RAD51B: variants seen among roughly 807,000 people sequenced by gnomAD.
The protein encoded by RAD51B is RAD51 paralog B.
RAD51B carries 38 observed loss-of-function variants against 42.2 expected under a neutral mutation model. The observed-to-expected ratio is 0.90, with a 90% CI of 0.70 to 1.18. RAD51B has a LOEUF of 1.18. Among genes scored for constraint, RAD51B ranks in the 50% most tolerant of loss-of-function variants. The pLI, the probability that RAD51B is intolerant of heterozygous loss-of-function variation, is 0.00. For missense variants in RAD51B, 373 were observed against 400.7 expected (o/e 0.93, Z 0.59); for synonymous variants, 154 against 145.2 (o/e 1.06, Z -0.43).
At chr14:67,993,834 A>G (rs1018479130) in intron 7 of RAD51B, among the ~76,000 whole-genome samples, 1 of 152,142 alleles carries the variant, frequency 6.6e-6, no homozygotes, top group African/African-American at 2.4e-5. Flanking sequence ...TCTCTAGTAA[A>G]CAATTATTAC....
chr14:67,945,108 A>G (rs955315152), intron 7 of RAD51B, among the ~76,000 whole-genome samples: 9 of 152,236 alleles, frequency 5.9e-5, no homozygotes, highest in Non-Finnish European at 1.2e-4. Context: ...TCTAGATAAG[A>G]ATCAGGAAGA....
chr14:68,173,640 T>A (rs2078913416), intron 7 of RAD51B, among the ~76,000 whole-genome samples: 2 of 152,180 alleles, frequency 1.3e-5, no homozygotes, highest in Admixed American at 1.3e-4. Context: ...CTGTCTCAGT[T>A]CCTCAGTAGA....
chr14:68,013,635 G>GT (rs879779886), intron 7 of RAD51B, among the ~76,000 whole-genome samples: 9 of 152,204 alleles, frequency 5.9e-5, no homozygotes, highest in Admixed American at 5.2e-4. Flanking sequence ...TCAGAATATT[G>GT]TATTACGTAG....
intron 7 of RAD51B, among the ~76,000 whole-genome samples, chr14:67,944,574 GT>G (rs557949768): frequency 1.3e-5 from 2 of 152,020 alleles, no homozygotes; most frequent in Non-Finnish European, 2.9e-5. Flanking sequence ...GTAACATAGT[GT>G]TTTTGATACT....
chr14:68,242,392 T>TG (rs2080408364), intron 7 of RAD51B, among the ~76,000 whole-genome samples: 1 of 152,198 alleles, frequency 6.6e-6, no homozygotes, highest in South Asian at 2.1e-4. Flanking sequence ...TAACACATCT[T>TG]GTTTCCCTGT....
At chr14:68,289,143 A>G (rs2081468563) in intron 7 of RAD51B, among the ~76,000 whole-genome samples, 2 of 152,220 alleles carry the variant, frequency 1.3e-5, no homozygotes, top group Admixed American at 6.5e-5. Context: ...GTTAGAACCA[A>G]CTGCCTGGAG....
intron 7 of RAD51B, among the ~76,000 whole-genome samples, chr14:67,961,052 G>A (rs2074654609): frequency 6.6e-6 from 1 of 152,128 alleles, no homozygotes; most frequent in South Asian, 2.1e-4. Flanking sequence ...CTGTTGTTCA[G>A]GCTGAGTGCA....
At chr14:68,072,888 C>T (rs965320949) in intron 7 of RAD51B, among the ~76,000 whole-genome samples, 1 of 152,094 alleles carries the variant, frequency 6.6e-6, no homozygotes, top group Non-Finnish European at 1.5e-5. Flanking sequence ...GTGCTGTGGT[C>T]TGAGAATGTG....
At chr14:68,530,850 C>A (rs1566928174) in intron 10 of RAD51B, among the ~76,000 whole-genome samples, 1 of 151,930 alleles carries the variant, frequency 6.6e-6, no homozygotes, top group Non-Finnish European at 1.5e-5. Flanking sequence ...AATAGACTTA[C>A]TTCAACTGAC....
intron 10 of RAD51B, among the ~76,000 whole-genome samples, chr14:68,489,593 GAAC>G (rs1221152249): frequency 6.6e-6 from 1 of 152,140 alleles, no homozygotes; most frequent in Non-Finnish European, 1.5e-5. Flanking sequence ...GCAAGTAAAA[GAAC>G]AACTGTGAAA....
intron 7 of RAD51B, among the ~76,000 whole-genome samples, chr14:68,110,216 C>G (rs1332531746): frequency 6.6e-6 from 1 of 151,886 alleles, no homozygotes; most frequent in East Asian, 1.9e-4. Flanking sequence ...TTTTTTGAGG[C>G]ACTCTGTGGC....
rs531730049 is a variant in RAD51B at position 68,522,452 on chromosome 14, C to G, written c.1036+54202C>G. On this transcript the variant is annotated intron_variant, in intron 10 of 10. Transcript: ENST00000487270. The stretch of plus-strand genomic sequence containing the variant: ...AAAAAAATATGGAAGTTACCCTCAC[C>G]GTTTCTGGGATGTCTGAATTCCTCC... Among the ~76,000 whole-genome samples the G allele has an allele frequency of 6.6e-5, 10 of 152,244 alleles. No individual in the cohort carries two copies. In the East Asian group the frequency reaches 1.4e-3, roughly 21 times the overall value.
At chr14:68,183,538 G>T (rs2079095015) in intron 7 of RAD51B, among the ~76,000 whole-genome samples, 1 of 152,096 alleles carries the variant, frequency 6.6e-6, no homozygotes, top group Admixed American at 6.5e-5. Context: ...ATAATACTTT[G>T]CATCCTTCAG....
intron 5 of RAD51B, among the ~76,000 whole-genome samples, chr14:67,881,352 T>G (rs149501338): frequency 6.6e-6 from 1 of 152,312 alleles, no homozygotes; most frequent in African/African-American, 2.4e-5. Flanking sequence ...CGAACTGTTC[T>G]CACCCTGTGT....
intron 9 of RAD51B, among the ~76,000 whole-genome samples, chr14:68,441,232 T>G (rs1332172733): frequency 2.0e-5 from 3 of 152,238 alleles, no homozygotes; most frequent in African/African-American, 7.2e-5. Context: ...CATAATTTTT[T>G]AATTATTTCA....
chr14:67,893,501 C>CA (rs1198578503), intron 7 of RAD51B, among the ~76,000 whole-genome samples: 20 of 96,088 alleles, frequency 2.1e-4, no homozygotes, highest in African/African-American at 1.0e-3. Context: ...CACACACACA[C>CA]ACACACACAA....
Position 67,910,405 on chromosome 14 carries a change from CAAAAAAAAAAAAAAAAAAAAAAA to C in RAD51B, c.756+23216_756+23238del, listed in dbSNP as rs576632132. Among the ~76,000 whole-genome samples, 15 of 9,038 alleles carry C rather than the reference CAAAAAAAAAAAAAAAAAAAAAAA, an allele frequency of 1.7e-3. 1 individual carries two copies. Among genetic ancestry groups the C allele is most frequent in the Admixed American group, 6.7e-3 (3 of 450 alleles). The allele number at this position is 9,038 out of a possible 152,430, so 5.9% of individuals were successfully genotyped here. On this transcript the variant is annotated intron_variant, in intron 7 of 10. Transcript: ENST00000471583. ...TGGGCGACAGAGCGAGACTCTGTCT[CAAAAAAAAAAAAAAAAAAAAAAA>C]AAAAAAAAAAAAAATATTTAAATAA...
chr14:68,083,275 G>A (rs181371421), intron 7 of RAD51B, among the ~76,000 whole-genome samples: 2 of 152,192 alleles, frequency 1.3e-5, no homozygotes, highest in Non-Finnish European at 2.9e-5. Context: ...GCCTGTATCA[G>A]ATAATTCCGT....
At chr14:67,860,241 C>A (rs1007980898) in intron 4 of RAD51B, among the ~76,000 whole-genome samples, 2 of 152,154 alleles carry the variant, frequency 1.3e-5, no homozygotes, top group African/African-American at 4.8e-5. Context: ...ATTTGAAGTA[C>A]AGATGTTTCT....
Sources: gnomAD v4.1 joint callset for allele counts (sites outside exome capture counted in the v4.1 genomes callset) on GRCh38, gnomAD v4.1.1 for gene constraint, MANE v1.5 for transcripts, NCBI Gene and HGNC (gene_info 2026-07-23, HGNC 2026-07-21) for gene names.